The following RNF130 variants were observed in gnomAD, a reference collection of about 807,000 sequenced individuals.
RNF130 encodes the protein E3 ubiquitin-protein ligase RNF130.
In RNF130, 21 loss-of-function variants were observed where a neutral mutation model predicts 44.6. That is an observed-to-expected ratio of 0.47 (90% CI 0.33 to 0.68). RNF130 has a LOEUF of 0.68. Ranked by LOEUF, RNF130 falls within the 30% of genes least tolerant of loss-of-function variation. The pLI, the probability that RNF130 is intolerant of heterozygous loss-of-function variation, is 0.02. For synonymous variants in RNF130, 214 were observed against 210.4 expected (o/e 1.02, Z -0.15); for missense variants, 479 against 560.6 (o/e 0.85, Z 1.47).
chr5:179,925,474 C>A (rs1399137051), intron 7 of RNF130, among the ~76,000 whole-genome samples: 1 of 152,162 alleles, frequency 6.6e-6, no homozygotes, highest in Non-Finnish European at 1.5e-5. Context: ...GGCATTGGAA[C>A]TAGAGAAGCA....
intron 1 of RNF130, among the ~76,000 whole-genome samples, chr5:180,051,107 C>A (rs1227877440): frequency 2.0e-5 from 3 of 151,918 alleles, no homozygotes; most frequent in East Asian, 3.9e-4. Context: ...CTGGCCAATT[C>A]TAGTACTTTT....
At chr5:179,929,219 AT>A (rs1424143315) in intron 7 of RNF130, among the ~76,000 whole-genome samples, 4 of 152,132 alleles carry the variant, frequency 2.6e-5, no homozygotes, top group African/African-American at 9.7e-5. Context: ...TGAAAAGACC[AT>A]TCTTACCCCA....
chr5:179,983,665 T>A (rs1561680336), intron 3 of RNF130, among the ~76,000 whole-genome samples: 1 of 152,218 alleles, frequency 6.6e-6, no homozygotes, highest in African/African-American at 2.4e-5. Flanking sequence ...TTTGTCCATC[T>A]CTATGATAAA....
At chr5:179,940,395 A>AT (rs1761955205) in intron 7 of RNF130, among the ~76,000 whole-genome samples, 1 of 151,442 alleles carries the variant, frequency 6.6e-6, no homozygotes. Flanking sequence ...TAATTTTTAT[A>AT]TTTTTAGTAG....
At chr5:180,024,180 A>G (rs1354922405) in intron 2 of RNF130, among the ~76,000 whole-genome samples, 1 of 152,256 alleles carries the variant, frequency 6.6e-6, no homozygotes, top group Non-Finnish European at 1.5e-5. Flanking sequence ...TATCACAGCC[A>G]AGAGAAAACT....
At chr5:179,997,342 G>T (rs1281681485) in intron 3 of RNF130, among the ~76,000 whole-genome samples, 2 of 151,522 alleles carry the variant, frequency 1.3e-5, no homozygotes, top group Admixed American at 1.3e-4. Flanking sequence ...ATATTTTTTT[G>T]AGATGGAGTC....
chr5:179,960,949 A>G (rs1321981864), intron 8 of RNF130, among the ~76,000 whole-genome samples: 1 of 152,196 alleles, frequency 6.6e-6, no homozygotes, highest in Non-Finnish European at 1.5e-5. Flanking sequence ...AATAATTACA[A>G]ATTTGTTTGC....
intron 5 of RNF130, among the ~76,000 whole-genome samples, chr5:179,973,438 C>T (rs1043780923): frequency 1.3e-5 from 2 of 152,206 alleles, no homozygotes; most frequent in Non-Finnish European, 2.9e-5. Context: ...TCTGCTACAA[C>T]AGTCTGGTGC....
chr5:179,986,019 C>T (rs565494560), intron 3 of RNF130, among the ~76,000 whole-genome samples: 8 of 152,284 alleles, frequency 5.3e-5, no homozygotes, highest in Non-Finnish European at 8.8e-5. Flanking sequence ...TTCAAACTAA[C>T]GTTTGCTGCC....
chr5:179,957,498 T>C (rs551401091), intron 8 of RNF130, among the ~76,000 whole-genome samples: 26 of 152,340 alleles, frequency 1.7e-4, no homozygotes, highest in African/African-American at 5.1e-4. Flanking sequence ...AATACTCATG[T>C]TGCAACTGCA....
chr5:180,040,347 G>A, intron 2 of RNF130, 106 bp downstream of exon 2: 1 of 1,042,536 alleles, frequency 9.6e-7, no homozygotes, highest in South Asian at 1.6e-5. Context: ...AATACTAATA[G>A]GATTATGTTG....
At chr5:180,031,923 T>C (rs1764138664) in intron 2 of RNF130, among the ~76,000 whole-genome samples, 1 of 152,284 alleles carries the variant, frequency 6.6e-6, no homozygotes, top group Admixed American at 6.5e-5. Context: ...TGGTACTGTA[T>C]GACTTTTTAA....
chr5:179,916,820 C>T (rs532982079), exon 8 of RNF130: 1 of 152,606 alleles, frequency 6.6e-6, no homozygotes, highest in Non-Finnish European at 1.5e-5. Context: ...CGCTGGAAGC[C>T]CTGGCTATCT....
chr5:179,928,952 C>G (rs1182919826), intron 7 of RNF130, among the ~76,000 whole-genome samples: 1 of 152,116 alleles, frequency 6.6e-6, no homozygotes, highest in Non-Finnish European at 1.5e-5. Context: ...TTTTGATGAG[C>G]AAAATTTCTT....
chr5:180,054,444 T>C (rs1287072646), intron 1 of RNF130, among the ~76,000 whole-genome samples: 1 of 152,144 alleles, frequency 6.6e-6, no homozygotes, highest in Non-Finnish European at 1.5e-5. Flanking sequence ...TCCTTTCGCA[T>C]CCTCCCTCTC....
chr5:180,011,957 C>A (rs1347949772), intron 3 of RNF130, among the ~76,000 whole-genome samples: 8 of 152,050 alleles, frequency 5.3e-5, no homozygotes, highest in African/African-American at 1.9e-4. Context: ...CAGGGAGAGC[C>A]TGGCACAGAA....
chr5:179,942,952 T>C (rs1761985742), intron 7 of RNF130, among the ~76,000 whole-genome samples: 1 of 152,204 alleles, frequency 6.6e-6, no homozygotes, highest in African/African-American at 2.4e-5. Flanking sequence ...ATCCCAGCAA[T>C]TTGAGAGGCC....
chr5:179,914,332 C>T (rs954426334), exon 8 of RNF130: 3 of 152,284 alleles, frequency 2.0e-5, no homozygotes, highest in African/African-American at 7.2e-5. Context: ...TCACATTAAA[C>T]TCTGCTTCCG....
chr5:179,916,740 G>A (rs1417875259), exon 8 of RNF130: 1 of 152,362 alleles, frequency 6.6e-6, no homozygotes, highest in East Asian at 1.9e-4. Context: ...TTCCCAAGAG[G>A]AGGGCAGAGG....
Sources: gnomAD v4.1 joint callset for allele counts (sites outside exome capture counted in the v4.1 genomes callset) on GRCh38, gnomAD v4.1.1 for gene constraint, MANE v1.5 for transcripts, NCBI Gene and HGNC (gene_info 2026-07-23, HGNC 2026-07-21) for gene names.